MCM4: variants seen among roughly 807,000 people sequenced by gnomAD.
MCM4 encodes minichromosome maintenance complex component 4.
In MCM4, 60 loss-of-function variants were observed where a neutral mutation model predicts 88.7. The observed-to-expected ratio is 0.68, with a 90% CI of 0.55 to 0.84. MCM4 has a LOEUF of 0.84. MCM4 is among the 40% of genes least tolerant of loss of function. MCM4 has a pLI of 0.00. For missense variants in MCM4, 1,149 were observed against 1,105.5 expected (o/e 1.04, Z -0.56); for synonymous variants, 465 against 410.5 (o/e 1.13, Z -1.61).
Position 47,974,847 on chromosome 8 carries a change from T to C in MCM4, c.2250T>C (p.Ser750=). 1.2e-6 allele frequency: 2 copies of C among 1,614,262 alleles called. No homozygotes were observed. The highest frequency in any genetic ancestry group is 1.7e-6 in the Non-Finnish European group (2 of 1,180,058). ...LAEAHAKVRL[S]NKVEAIDVEE... ...AAGCCCATGCTAAAGTAAGATTGTCTAACAAAGTTGAAGCCATTGATGTGG... is the reference window on the plus strand; with the variant it reads ...AAGCCCATGCTAAAGTAAGATTGTCCAACAAAGTTGAAGCCATTGATGTGG... Residue 750 remains serine (S), a synonymous_variant, in exon 15 of 17, where the codon TCT becomes TCC. Coordinates refer to ENST00000649973, the MANE Select transcript of MCM4 (RefSeq NM_182746.3).
intron 13 of MCM4, among the ~76,000 whole-genome samples, chr8:47,972,435 A>G (rs971539614): frequency 6.6e-6 from 1 of 152,102 alleles, no homozygotes; most frequent in Non-Finnish European, 1.5e-5. Flanking sequence ...CTTCTCCCTG[A>G]TGGCGCTCAC....
intron 3 of MCM4, 53 bp from the exon 4 acceptor site, chr8:47,962,000 C>A: frequency 6.6e-7 from 1 of 1,515,972 alleles, no homozygotes. Flanking sequence ...AGACAACATG[C>A]TGTAATTTCA....
At chr8:47,976,610 T>C in intron 16 of MCM4, 76 bp from the exon 17 acceptor site, 2 of 1,057,316 alleles carry the variant, frequency 1.9e-6, no homozygotes, top group Middle Eastern at 2.1e-4. Flanking sequence ...ACTTTAACAT[T>C]ATAATTATTG....
chr8:47,966,407 G>T lies in MCM4; in HGVS notation c.1053G>T (p.Met351Ile). The change falls in exon 9 of 17, where the codon ATG (methionine) becomes ATT (isoleucine). Residue 351 changes from methionine (M) to isoleucine (I), a missense_variant and splice_region_variant. By Grantham distance (10) the Met-to-Ile change is conservative (BLOSUM62 1). Around this residue, in one of 3 missense-constraint regions of MCM4, gnomAD observed 906 missense variants for 843.0 expected, o/e 1.07. Transcript: ENST00000649973. ...HNRSLFSDKQ[M>I]IKLQESPEDM... ...GCTCCCTCTTCTCTGACAAGCAGAT[G>T]GTGCGCAGCCACCCTGGCCCCCCAG... 3 of 1,606,214 alleles carry T rather than the reference G, an allele frequency of 1.9e-6. No homozygotes were observed. The highest frequency in any genetic ancestry group is 2.6e-6 in the Non-Finnish European group (3 of 1,175,530).
chr8:47,964,582 T>A lies in MCM4; in HGVS notation c.702T>A (p.Ile234=). 1 of 1,590,802 alleles carries A rather than the reference T, an allele frequency of 6.3e-7. No homozygotes were observed. Among genetic ancestry groups the A allele is most frequent in the Non-Finnish European group, 8.5e-7 (1 of 1,173,664 alleles). ...RQLISYPQEV[I]PTFDMAVNEI... ...CATATTTGTTTTTACAGGAAGTTAT[T>A]CCAACTTTTGACATGGCTGTCAATG... Residue 234 remains isoleucine, a synonymous_variant, in exon 8 of 17, where the codon ATT becomes ATA. Transcript: ENST00000649973.
chr8:47,962,805 A>G lies in MCM4; in HGVS notation c.543A>G (p.Glu181=). The G allele has an allele frequency of 6.2e-7, 1 of 1,609,880 alleles. No homozygotes were observed. Among genetic ancestry groups the G allele is most frequent in the Non-Finnish European group, 8.5e-7 (1 of 1,178,996 alleles). ...TTATTGACCCTCTGGCTAAAGAAGAAGAAAATGTTGGCATAGATATTACTG... is the reference window on the plus strand; with the variant it reads ...TTATTGACCCTCTGGCTAAAGAAGAGGAAAATGTTGGCATAGATATTACTG... ...QRFIDPLAKE[E]ENVGIDITEP... is the part of the protein sequence containing the mutation. The change falls in exon 6 of 17, where the codon GAA becomes GAG. Residue 181 remains glutamate (E), a synonymous_variant. Transcript: ENST00000649973.
intron 10 of MCM4, among the ~76,000 whole-genome samples, chr8:47,968,122 A>G (rs1241679734): frequency 6.6e-6 from 1 of 152,096 alleles, no homozygotes; most frequent in African/African-American, 2.4e-5. Flanking sequence ...CCTCCTTTTG[A>G]TGCTGTAGAG....
Position 47,961,543 on chromosome 8 carries a change from C to CAAG in MCM4, c.98_99insAAG (p.Ser34dup). On this transcript the variant is annotated inframe_insertion, in exon 3 of 17. Transcript: ENST00000649973. ...CGGAGTGAGGATGCCAGGTCATCTC[C>CAAG]CTCTCAGAGACGTAGAGGCGAGGAT... The CAAG allele has an allele frequency of 2.5e-6, 4 of 1,614,146 alleles. No homozygotes were observed. Among genetic ancestry groups the CAAG allele is most frequent in the Non-Finnish European group, 3.4e-6 (4 of 1,180,032 alleles).
rs780592567 is a variant in MCM4 at position 47,962,118 on chromosome 8, G to T, written c.301G>T (p.Gly101Ter). The T allele has an allele frequency of 6.2e-7, 1 of 1,614,116 alleles. No individual in the cohort carries two copies. Among genetic ancestry groups the T allele is most frequent in the South Asian group, 1.1e-5 (1 of 91,078 alleles). Residue 101 changes from glycine to a stop codon, truncating the protein, a stop_gained, in exon 4 of 17, where the codon GGA (glycine) becomes TGA (stop). Transcript: ENST00000649973. LOFTEE classifies it high-confidence loss of function. ...TYGTPSSRVE[G>*]TPRSGVRGTP... ...CGGCACTCCCAGCTCTCGGGTAGAG[G>T]GAACCCCAAGAAGTGGTGTTAGGGG...
chr8:47,970,066 G>C lies in MCM4; in HGVS notation c.1434+9G>C. ...ATGAAGATATAAAGAAGGTAACAGT[G>C]GATTTTAAACTAGGGGTTGGGATTT... On this transcript the variant is annotated intron_variant, in intron 11 of 16. Transcript: ENST00000649973. The C allele has an allele frequency of 6.2e-7, 1 of 1,611,312 alleles. No homozygotes were observed. The highest frequency in any genetic ancestry group is 8.5e-7 in the Non-Finnish European group (1 of 1,178,530).
At chr8:47,976,340 A>G (rs935723186) in intron 16 of MCM4, among the ~76,000 whole-genome samples, 1 of 151,794 alleles carries the variant, frequency 6.6e-6, no homozygotes, top group Non-Finnish European at 1.5e-5. Flanking sequence ...CATAGTTGTT[A>G]TAAGTTTGCT....
At chr8:47,961,255 G>A (rs1160765233) in intron 2 of MCM4, 41 bp downstream of exon 2, 1 of 1,438,428 alleles carries the variant, frequency 7.0e-7, no homozygotes. Context: ...CCCCGGCGCC[G>A]CCCCGTCTGC....
At chr8:47,966,111 C>T (rs2090895777) in intron 8 of MCM4, 76 bp from the exon 9 acceptor site, 1 of 1,243,634 alleles carries the variant, frequency 8.0e-7, no homozygotes, top group South Asian at 1.3e-5. Flanking sequence ...GCACCTAGCT[C>T]CTGTCTGTGA....
intron 2 of MCM4, 91 bp from the exon 3 acceptor site, chr8:47,961,425 T>C (rs1563829627): frequency 1.2e-6 from 2 of 1,605,800 alleles, no homozygotes; most frequent in South Asian, 2.2e-5. Context: ...TTTGGTTCAG[T>C]GGTGAGTCAT....
At position 47,973,077 on chromosome 8, in the gene MCM4, A is replaced by T; in HGVS notation, c.2136+13A>T. 1 of 1,608,312 alleles carries T rather than the reference A, an allele frequency of 6.2e-7. No individual in the cohort carries two copies. The highest frequency in any genetic ancestry group is 8.5e-7 in the Non-Finnish European group (1 of 1,177,758). ...GGCTCTCATCGAGGTAACCCTGCTG[A>T]AAAAAGGCTTACTGTGCCTGTAGCC... On this transcript the variant is annotated intron_variant, in intron 14 of 16. Coordinates refer to ENST00000649973, the MANE Select transcript of MCM4 (RefSeq NM_182746.3).
rs777930445 is a variant in MCM4, at chr8:47,962,856, G to A, written c.594G>A (p.Gly198=). Reference sequence around the variant, plus strand: ...AACCTCTATACATGCAACGACTTGGGGAGGTAATCAAATACTCTTTAAATT... The same window carrying A: ...AACCTCTATACATGCAACGACTTGGAGAGGTAATCAAATACTCTTTAAATT... The part of the protein sequence containing the change: ...ITEPLYMQRL[G]EINVIGEPFL... The change falls in exon 6 of 17, where the codon GGG becomes GGA. Residue 198 remains glycine, a synonymous_variant. Coordinates refer to ENST00000649973, the MANE Select transcript of MCM4 (RefSeq NM_182746.3). The A allele has an allele frequency of 1.9e-6, 3 of 1,599,942 alleles. No individual in the cohort carries two copies. Among genetic ancestry groups the A allele is most frequent in the Non-Finnish European group, 2.6e-6 (3 of 1,174,230 alleles).
chr8:47,972,018 G>T (rs1008109570), intron 13 of MCM4, among the ~76,000 whole-genome samples: 5 of 151,804 alleles, frequency 3.3e-5, no homozygotes, highest in Non-Finnish European at 5.9e-5. Context: ...GATCGCCTGA[G>T]CTCAGGAGTT....
Position 47,966,426 on chromosome 8 carries a change from C to A in MCM4, c.1053+19C>A, listed in dbSNP as rs756946057. On this transcript the variant is annotated intron_variant, in intron 9 of 16. Transcript: ENST00000649973. ...GCAGATGGTGCGCAGCCACCCTGGC[C>A]CCCCAGGCTATGCTTTGCCTGTCTG... The A allele has an allele frequency of 6.3e-6, 10 of 1,588,234 alleles. No homozygotes were observed. The highest frequency in any genetic ancestry group is 8.6e-6 in the Non-Finnish European group (10 of 1,165,168).
intron 16 of MCM4, among the ~76,000 whole-genome samples, chr8:47,976,449 G>A (rs574819445): frequency 3.9e-5 from 6 of 152,200 alleles, no homozygotes; most frequent in South Asian, 4.2e-4. Context: ...ACTTTCCATC[G>A]CTGTGTTGTG....
Sources: allele counts gnomAD v4.1 joint callset (sites outside exome capture counted in the v4.1 genomes callset), GRCh38; gene constraint gnomAD v4.1.1; regional missense constraint gnomAD v4.1.1; transcripts MANE v1.5; gene names NCBI Gene and HGNC (gene_info 2026-07-23, HGNC 2026-07-21).